Variants in RTL4 observed in about 807,000 individuals in gnomAD.
The protein encoded by RTL4 is retrotransposon Gag-like protein 4.
Under a neutral mutation model 5.3 loss-of-function variants are expected in RTL4, and 4 were observed. That is an observed-to-expected ratio of 0.75 (90% CI 0.37 to 1.72). The LOEUF (loss-of-function observed/expected upper bound fraction) is 1.72. Among genes scored for constraint, RTL4 ranks in the 40% most tolerant of loss-of-function variants. RTL4 has a pLI of 0.04. For missense variants in RTL4, 260 were observed against 227.1 expected (o/e 1.14, Z -0.93); for synonymous variants, 98 against 87.3 (o/e 1.12, Z -0.68).
the RTL4 span, among the ~76,000 whole-genome samples, chrX:112,233,239 T>C: frequency 8.9e-6 from 1 of 112,159 alleles, no homozygotes; most frequent in Non-Finnish European, 1.9e-5. Flanking sequence ...GAAAGGAAGC[T>C]CAAGAAAACA....
chrX:112,412,046 T>G, the RTL4 span, among the ~76,000 whole-genome samples: 2 of 110,368 alleles, frequency 1.8e-5, no homozygotes, highest in East Asian at 5.7e-4. Context: ...CAGTAACATT[T>G]CTATATGCCA....
the RTL4 span, among the ~76,000 whole-genome samples, chrX:112,106,371 T>C: frequency 1.8e-5 from 2 of 112,150 alleles, no homozygotes; most frequent in African/African-American, 6.5e-5. Context: ...TTTGAAAGTA[T>C]ACCCTAGACT....
chrX:112,124,751 C>A, the RTL4 span, among the ~76,000 whole-genome samples: 1 of 110,473 alleles, frequency 9.1e-6, no homozygotes, highest in Non-Finnish European at 1.9e-5. Context: ...CACACCTATA[C>A]CTATGTAACA....
the RTL4 span, among the ~76,000 whole-genome samples, chrX:112,327,277 A>G: frequency 8.9e-6 from 1 of 111,839 alleles, no homozygotes; most frequent in Non-Finnish European, 1.9e-5. Flanking sequence ...GGAAGAATGT[A>G]TAACTAGAAT....
chrX:112,363,186 G>C, the RTL4 span, among the ~76,000 whole-genome samples: 1 of 111,019 alleles, frequency 9.0e-6, no homozygotes, highest in Non-Finnish European at 1.9e-5. Context: ...TGGGAGGCTC[G>C]CAGATTGTCA....
the RTL4 span, among the ~76,000 whole-genome samples, chrX:112,213,559 TTTTG>T: frequency 8.9e-6 from 1 of 112,414 alleles, no homozygotes; most frequent in African/African-American, 3.2e-5. Context: ...CCATTGAGTG[TTTTG>T]TTTGTTTGTT....
the RTL4 span, among the ~76,000 whole-genome samples, chrX:112,391,486 C>A: frequency 9.0e-6 from 1 of 110,698 alleles, no homozygotes; most frequent in Middle Eastern, 4.6e-3. Flanking sequence ...AGTCAATGGT[C>A]TATTTTTATG....
chrX:112,254,245 G>T, the RTL4 span, among the ~76,000 whole-genome samples: 3 of 111,540 alleles, frequency 2.7e-5, no homozygotes, highest in East Asian at 5.6e-4. Flanking sequence ...TGTAAAAGAT[G>T]TGAAAGACAA....
the RTL4 span, among the ~76,000 whole-genome samples, chrX:112,246,655 C>T: frequency 9.0e-6 from 1 of 111,574 alleles, no homozygotes; most frequent in African/African-American, 3.3e-5. Flanking sequence ...AAGGGAAATC[C>T]CCAGACCCCT....
At chrX:112,455,630 C>G (rs1259843639) in exon 1 of RTL4, 1 of 1,209,296 alleles carries the variant, frequency 8.3e-7, no homozygotes, top group Non-Finnish European at 1.1e-6. Flanking sequence ...TCTCGAGCTC[C>G]GGCAACGACA....
At chrX:112,320,816 C>T in the RTL4 span, among the ~76,000 whole-genome samples, 1 of 111,737 alleles carries the variant, frequency 8.9e-6, no homozygotes, top group African/African-American at 3.3e-5. Flanking sequence ...CCACCCCCCA[C>T]ATAGGATCAA....
the RTL4 span, among the ~76,000 whole-genome samples, chrX:112,210,564 G>A: frequency 1.8e-5 from 2 of 112,149 alleles, no homozygotes; most frequent in South Asian, 3.8e-4. Flanking sequence ...CAAAATTCAG[G>A]TTGATTACTT....
chrX:112,281,351 A>G, the RTL4 span, among the ~76,000 whole-genome samples: 26 of 112,187 alleles, frequency 2.3e-4, no homozygotes, highest in African/African-American at 7.8e-4. Flanking sequence ...TAGTATTTCA[A>G]TGTGTATATA....
the RTL4 span, among the ~76,000 whole-genome samples, chrX:112,138,610 G>A: frequency 4.9e-4 from 54 of 110,408 alleles, no homozygotes; most frequent in African/African-American, 1.2e-3. Context: ...AAATTACATG[G>A]TGTTTATCCT....
At chrX:112,374,342 C>T in the RTL4 span, among the ~76,000 whole-genome samples, 1 of 111,345 alleles carries the variant, frequency 9.0e-6, no homozygotes, top group East Asian at 2.8e-4. Context: ...TCTATCTGCT[C>T]GATTGATCTA....
At chrX:112,314,016 G>C in the RTL4 span, among the ~76,000 whole-genome samples, 1 of 111,391 alleles carries the variant, frequency 9.0e-6, no homozygotes, top group Non-Finnish European at 1.9e-5. Context: ...CTTATCACCA[G>C]ACTGCCTGAC....
the RTL4 span, among the ~76,000 whole-genome samples, chrX:112,250,408 T>A: frequency 8.9e-6 from 1 of 112,351 alleles, no homozygotes; most frequent in Non-Finnish European, 1.9e-5. Flanking sequence ...CAATTGTCTG[T>A]CGCTATAGCT....
chrX:112,386,513 C>T, the RTL4 span, among the ~76,000 whole-genome samples: 1 of 110,091 alleles, frequency 9.1e-6, no homozygotes, highest in Non-Finnish European at 1.9e-5. Context: ...CCCCTCCCAC[C>T]CTTTCCCCCA....
At chrX:112,306,677 G>T in the RTL4 span, among the ~76,000 whole-genome samples, 7 of 111,678 alleles carry the variant, frequency 6.3e-5, no homozygotes, top group African/African-American at 2.3e-4. Flanking sequence ...CCTTGCTTTG[G>T]CTGGGTGAGC....
Sources: gnomAD v4.1 joint callset for allele counts (sites outside exome capture counted in the v4.1 genomes callset) on GRCh38, gnomAD v4.1.1 for gene constraint, MANE v1.5 for transcripts, NCBI Gene and HGNC (gene_info 2026-07-23, HGNC 2026-07-21) for gene names.